MED27: variants seen among roughly 807,000 people sequenced by gnomAD.
The protein encoded by MED27 is mediator of RNA polymerase II transcription subunit 27.
In MED27, 30 loss-of-function variants were observed where a neutral mutation model predicts 38.2. That is an observed-to-expected ratio of 0.79 (90% CI 0.59 to 1.07). The LOEUF (loss-of-function observed/expected upper bound fraction) is 1.07, where lower values mean the gene tolerates loss of function less well. Among genes scored for constraint, MED27 ranks in the 50% least tolerant of loss-of-function variants. MED27 has a pLI of 0.00. For missense variants in MED27, 289 were observed against 397.5 expected, an observed-to-expected ratio of 0.73 and a Z score of 2.32; for synonymous variants, 122 against 153.5, an observed-to-expected ratio of 0.79 and a Z score of 1.52.
chr9:131,905,561 G>C (rs558322960), intron 4 of MED27, among the ~76,000 whole-genome samples: 1 of 152,046 alleles, frequency 6.6e-6, no homozygotes, highest in Non-Finnish European at 1.5e-5. Context: ...GACCAGGTAC[G>C]GTGGCTCATG....
intron 4 of MED27, among the ~76,000 whole-genome samples, chr9:131,897,911 C>CT (rs1418262283): frequency 6.6e-6 from 1 of 152,148 alleles, no homozygotes; most frequent in Non-Finnish European, 1.5e-5. Flanking sequence ...TCTCATAAGT[C>CT]TTTCCCAAAC....
rs766438800 is a variant in MED27, at chr9:131,941,817, ATTTTTTTT to A, written c.480-2351_480-2344del. ...TAAAGGCAAAGCCCCATTCTGCTGA[ATTTTTTTT>A]TTTTTTTTTTTTTTTTTTGAGACCG... is the stretch of plus-strand genomic sequence containing the variant. On this transcript the variant is annotated intron_variant, in intron 3 of 7. Transcript: ENST00000292035. 3.0e-3 allele frequency among the ~76,000 whole-genome samples: 245 copies of A among 82,518 alleles called. 5 individuals carry two copies. The highest frequency in any genetic ancestry group is 0.012 in the African/African-American group (234 of 19,110). 54.1% of individuals were successfully genotyped at this position (82,518 alleles called of 152,430 possible).
At chr9:132,070,798 ACCC>A (rs1452830263) in intron 2 of MED27, among the ~76,000 whole-genome samples, 1 of 138,622 alleles carries the variant, frequency 7.2e-6, no homozygotes, top group Non-Finnish European at 1.6e-5. Flanking sequence ...CGACTCCCAC[ACCC>A]CCCACCAAAC....
intron 6 of MED27, among the ~76,000 whole-genome samples, chr9:131,875,950 C>A (rs1275487307): frequency 6.6e-6 from 1 of 152,204 alleles, no homozygotes; most frequent in Non-Finnish European, 1.5e-5. Flanking sequence ...GCAAGTGAAT[C>A]CACACAGGAA....
At chr9:132,002,556 G>C (rs983100688) in intron 3 of MED27, among the ~76,000 whole-genome samples, 1 of 152,046 alleles carries the variant, frequency 6.6e-6, no homozygotes, top group African/African-American at 2.4e-5. Flanking sequence ...CCCTAACCAG[G>C]GACTTGCTTT....
At chr9:131,946,761 C>T (rs1005965899) in intron 3 of MED27, among the ~76,000 whole-genome samples, 1 of 152,202 alleles carries the variant, frequency 6.6e-6, no homozygotes, top group East Asian at 1.9e-4. Flanking sequence ...CACACTCTGT[C>T]TGGAAGATTC....
intron 6 of MED27, among the ~76,000 whole-genome samples, chr9:131,875,432 C>A (rs1193228343): frequency 6.6e-6 from 1 of 152,144 alleles, no homozygotes; most frequent in Non-Finnish European, 1.5e-5. Flanking sequence ...TGACTCCAGC[C>A]TATACCCTGA....
At chr9:131,914,163 A>G (rs139355335) in intron 4 of MED27, among the ~76,000 whole-genome samples, 11 of 152,338 alleles carry the variant, frequency 7.2e-5, no homozygotes, top group East Asian at 1.9e-4. Context: ...CACAAACCCT[A>G]TGGAAATCAG....
chr9:131,897,870 T>C (rs1399540077), intron 4 of MED27, among the ~76,000 whole-genome samples: 2 of 152,220 alleles, frequency 1.3e-5, no homozygotes, highest in Non-Finnish European at 2.9e-5. Flanking sequence ...AGGATCCAAA[T>C]ATGGTCCACA....
chr9:132,038,828 G>A (rs1360199613), intron 2 of MED27, among the ~76,000 whole-genome samples: 1 of 152,188 alleles, frequency 6.6e-6, no homozygotes, highest in Non-Finnish European at 1.5e-5. Flanking sequence ...GCTGAGGTGG[G>A]TGAGGGCGGC....
intron 2 of MED27, among the ~76,000 whole-genome samples, chr9:132,048,944 G>C (rs2131132660): frequency 6.6e-6 from 1 of 152,358 alleles, no homozygotes; most frequent in East Asian, 1.9e-4. Flanking sequence ...GAGATGTCCT[G>C]TTAAAAGCAA....
chr9:132,022,318 G>A (rs2131088473), intron 2 of MED27, among the ~76,000 whole-genome samples: 1 of 152,308 alleles, frequency 6.6e-6, no homozygotes, highest in East Asian at 1.9e-4. Flanking sequence ...AACAGATTGT[G>A]CATCTGATCT....
At chr9:131,989,698 A>G (rs1210674222) in intron 3 of MED27, among the ~76,000 whole-genome samples, 1 of 152,106 alleles carries the variant, frequency 6.6e-6, no homozygotes, top group Non-Finnish European at 1.5e-5. Flanking sequence ...AGAACCATAC[A>G]ATAAACTTTT....
rs147813297 is a variant in MED27 at position 132,022,454 on chromosome 9, C to T, written c.349-7987G>A. ...CGTACTTAAGGCCTGAATCAAAAGT[C>T]TACAAAGGAAGGCTAGAATTATGTC... On this transcript the variant is annotated intron_variant, in intron 2 of 7. Coordinates refer to ENST00000292035, the MANE Select transcript of MED27 (RefSeq NM_004269.4). Among the ~76,000 whole-genome samples, 548 of 152,266 alleles carry T rather than the reference C, an allele frequency of 3.6e-3. 3 individuals are homozygous for T. The highest frequency in any genetic ancestry group is 0.012 in the African/African-American group (516 of 41,548).
At position 131,872,403 on chromosome 9, in the gene MED27, A is replaced by C. The variant is rs2131462823; in HGVS notation, c.724-9263T>G. Among the ~76,000 whole-genome samples, 1 of 152,360 alleles carries C rather than the reference A, an allele frequency of 6.6e-6. No homozygotes were observed. Among genetic ancestry groups the C allele is most frequent in the Non-Finnish European group, 1.5e-5 (1 of 68,036 alleles). On this transcript the variant is annotated intron_variant, in intron 6 of 7. Coordinates refer to ENST00000292035, the MANE Select transcript of MED27 (RefSeq NM_004269.4). This position sits in a 1 kb window ranked among gnomAD's most constrained non-coding sequence, Gnocchi z 5.6. ...GTATTTCCTCACAAGATTAGTAAAC[A>C]GGGAAAGTTAAGTACTCAAGTGTTT...
intron 4 of MED27, among the ~76,000 whole-genome samples, chr9:131,933,914 C>A (rs1830635347): frequency 6.6e-6 from 1 of 152,126 alleles, no homozygotes. Flanking sequence ...TAGCGTGGTA[C>A]TGGCATAAAA....
chr9:131,891,238 G>C (rs75299937), intron 5 of MED27, among the ~76,000 whole-genome samples: 3,806 of 152,272 alleles, frequency 0.025, 65 homozygotes, highest in Middle Eastern at 0.054. Context: ...AAAGAGTCTG[G>C]CATGTCATGG....
chr9:131,959,557 G>A (rs1409360923), intron 3 of MED27, among the ~76,000 whole-genome samples: 1 of 152,146 alleles, frequency 6.6e-6, no homozygotes, highest in African/African-American at 2.4e-5. Flanking sequence ...CAGCCCTCTG[G>A]CTTCGGTTTC....
At chr9:131,986,282 C>A (rs1437672061) in intron 3 of MED27, among the ~76,000 whole-genome samples, 1 of 152,140 alleles carries the variant, frequency 6.6e-6, no homozygotes, top group African/African-American at 2.4e-5. Context: ...CCCAGAGCAA[C>A]CTGTAGTCCT....
Sources: allele counts gnomAD v4.1 joint callset (sites outside exome capture counted in the v4.1 genomes callset), GRCh38; gene constraint gnomAD v4.1.1; non-coding constraint Gnocchi (gnomAD v3.1); transcripts MANE v1.5; gene names NCBI Gene and HGNC (gene_info 2026-07-23, HGNC 2026-07-21).